The following LPAR1 variants were observed in gnomAD, a reference collection of about 807,000 sequenced individuals.
LPAR1 encodes LPA receptor 1.
LPAR1 carries 5 observed loss-of-function variants against 23.8 expected under a neutral mutation model. The ratio of observed to expected loss-of-function variants is 0.21; its 90% CI spans 0.11 to 0.44. The LOEUF is 0.44. Among genes scored for constraint, LPAR1 ranks in the 20% least tolerant of loss-of-function variants. LPAR1 has a pLI of 0.99. For missense variants in LPAR1, 311 were observed against 482.8 expected, an observed-to-expected ratio of 0.64 and a Z score of 3.33; for synonymous variants, 160 against 164.7, an observed-to-expected ratio of 0.97 and a Z score of 0.22.
chr9:111,028,855 T>C (rs1250716462), intron 2 of LPAR1, among the ~76,000 whole-genome samples: 1 of 152,186 alleles, frequency 6.6e-6, no homozygotes, highest in African/African-American at 2.4e-5. Context: ...AAATTAAAAC[T>C]ATATCTGCAA....
intron 5 of LPAR1, among the ~76,000 whole-genome samples, chr9:110,912,875 C>A (rs983996012): frequency 6.6e-6 from 1 of 152,130 alleles, no homozygotes; most frequent in African/African-American, 2.4e-5. Flanking sequence ...GGGACTGTCC[C>A]AAATAATAAA....
chr9:110,903,700 AT>A, intron 5 of LPAR1, among the ~76,000 whole-genome samples: 1 of 152,100 alleles, frequency 6.6e-6, no homozygotes, highest in Non-Finnish European at 1.5e-5. Flanking sequence ...AAGGTCCAGA[AT>A]AGAGGGAGAA....
intron 4 of LPAR1, among the ~76,000 whole-genome samples, chr9:110,961,859 A>T (rs1015720423): frequency 6.6e-6 from 1 of 152,072 alleles, no homozygotes; most frequent in Non-Finnish European, 1.5e-5. Flanking sequence ...CCGTGATTCA[A>T]TTACCTCCCA....
chr9:111,002,715 G>A lies in LPAR1; in HGVS notation c.-181-29157C>T, dbSNP rs1215727229. On this transcript the variant is annotated intron_variant, in intron 2 of 5. Transcript: ENST00000683809. ...CAAGGGACCTAAAACTCCAGAGATA[G>A]GATTTTTCCTGCTAAGGCTAATGGA... is the stretch of plus-strand genomic sequence containing the variant. 1.6e-4 allele frequency among the ~76,000 whole-genome samples: 25 copies of A among 152,124 alleles called. 2 individuals are homozygous for A. Among genetic ancestry groups the A allele is most frequent in the Admixed American group, 1.6e-3 (24 of 15,254 alleles).
At chr9:110,955,131 G>T (rs143898224) in intron 4 of LPAR1, among the ~76,000 whole-genome samples, 4 of 152,244 alleles carry the variant, frequency 2.6e-5, no homozygotes, top group African/African-American at 9.6e-5. Context: ...CCACTTAAAA[G>T]ATACAGCCTG....
At chr9:110,878,153 A>C (rs1053562068) in intron 5 of LPAR1, among the ~76,000 whole-genome samples, 1 of 152,144 alleles carries the variant, frequency 6.6e-6, no homozygotes, top group East Asian at 1.9e-4. Context: ...ATTAAGCCCA[A>C]CCACACAGTC....
chr9:111,004,191 C>A (rs957933405), intron 2 of LPAR1, among the ~76,000 whole-genome samples: 2 of 152,114 alleles, frequency 1.3e-5, no homozygotes, highest in Non-Finnish European at 2.9e-5. Context: ...TGCAAGATAT[C>A]TCTCCCATTC....
chr9:110,888,761 T>C (rs929538091), intron 5 of LPAR1, among the ~76,000 whole-genome samples: 7 of 152,162 alleles, frequency 4.6e-5, no homozygotes, highest in Non-Finnish European at 8.8e-5. Context: ...ATGGTGGCTT[T>C]GAATATGGGA....
At chr9:110,937,669 T>C (rs1470679522) in intron 5 of LPAR1, among the ~76,000 whole-genome samples, 3 of 152,230 alleles carry the variant, frequency 2.0e-5, no homozygotes, top group Non-Finnish European at 2.9e-5. Context: ...TAATACAAGA[T>C]CATGCTTAAA....
At chr9:110,927,418 T>C (rs1252226339) in intron 5 of LPAR1, among the ~76,000 whole-genome samples, 1 of 152,146 alleles carries the variant, frequency 6.6e-6, no homozygotes. Flanking sequence ...AGATTAAGAT[T>C]CTTGCTCAAA....
intron 2 of LPAR1, among the ~76,000 whole-genome samples, chr9:111,000,125 AG>A (rs35293877): frequency 6.6e-6 from 1 of 152,184 alleles, no homozygotes; most frequent in Non-Finnish European, 1.5e-5. Context: ...TATGAATTTC[AG>A]GGAGACACAT....
chr9:110,877,038 C>T (rs765284959), intron 5 of LPAR1, among the ~76,000 whole-genome samples: 1 of 152,096 alleles, frequency 6.6e-6, no homozygotes, highest in Non-Finnish European at 1.5e-5. Flanking sequence ...TCAGGCAGAG[C>T]GGAAGTAGGA....
chr9:110,937,323 T>A (rs10980645), intron 5 of LPAR1, among the ~76,000 whole-genome samples: 2 of 152,122 alleles, frequency 1.3e-5, no homozygotes, highest in Non-Finnish European at 2.9e-5. Context: ...CAGCATGTGC[T>A]GCTAGTTGTT....
At chr9:110,936,596 C>A (rs1372564107) in intron 5 of LPAR1, among the ~76,000 whole-genome samples, 2 of 152,176 alleles carry the variant, frequency 1.3e-5, no homozygotes, top group Non-Finnish European at 2.9e-5. Flanking sequence ...AAGAGTAGGG[C>A]CGCATACTGA....
At chr9:111,036,003 G>C (rs905518283) in intron 2 of LPAR1, 119 bp downstream of exon 2, 15 of 152,232 alleles carry the variant, frequency 9.9e-5, no homozygotes, top group African/African-American at 3.1e-4. Flanking sequence ...AATAGATTCA[G>C]TAAAACCTTG....
chr9:110,892,826 A>AAGGC (rs1167070374), intron 5 of LPAR1, among the ~76,000 whole-genome samples: 12,532 of 61,324 alleles, frequency 0.2, 2,104 homozygotes, highest in Non-Finnish European at 0.26. Flanking sequence ...GGAAGGAAGG[A>AAGGC]AGGCAGGCAG....
At chr9:110,912,964 C>T (rs533065954) in intron 5 of LPAR1, among the ~76,000 whole-genome samples, 32 of 152,284 alleles carry the variant, frequency 2.1e-4, no homozygotes, top group South Asian at 6.2e-4. Flanking sequence ...CACTGTCATA[C>T]GAACAAGGTT....
At chr9:110,920,865 G>T (rs1362782981) in intron 5 of LPAR1, among the ~76,000 whole-genome samples, 2 of 152,156 alleles carry the variant, frequency 1.3e-5, no homozygotes, top group African/African-American at 4.8e-5. Context: ...GCCCATGCCT[G>T]TATTCTCAGC....
At chr9:110,906,262 T>C (rs1220573417) in intron 5 of LPAR1, among the ~76,000 whole-genome samples, 2 of 152,192 alleles carry the variant, frequency 1.3e-5, no homozygotes, top group Admixed American at 6.5e-5. Flanking sequence ...TCTTCTATTA[T>C]ATGTAGGACA....
Sources: gnomAD v4.1 joint callset for allele counts (sites outside exome capture counted in the v4.1 genomes callset) on GRCh38, gnomAD v4.1.1 for gene constraint, MANE v1.5 for transcripts, NCBI Gene and HGNC (gene_info 2026-07-23, HGNC 2026-07-21) for gene names.